The following PDZD2 variants were observed in gnomAD, a reference collection of about 807,000 sequenced individuals.
PDZD2 encodes the protein PDZ domain containing 2.
A neutral mutation model predicts 220.7 loss-of-function variants in PDZD2; 90 were observed. That is an observed-to-expected ratio of 0.41 (90% CI 0.34 to 0.49). The LOEUF is 0.49. PDZD2 is among the 20% of genes least tolerant of loss of function. The pLI is 0.28. For missense variants in PDZD2, 3,174 were observed against 3,608.5 expected (o/e 0.88, Z 3.08); for synonymous variants, 1,375 against 1,450.5 (o/e 0.95, Z 1.18).
At chr5:31,926,526 G>GAAAAAAAA (rs71300157) in intron 2 of PDZD2, among the ~76,000 whole-genome samples, 3 of 83,974 alleles carry the variant, frequency 3.6e-5, no homozygotes, top group Non-Finnish European at 4.6e-5. Context: ...AACTGCATCT[G>GAAAAAAAA]AAAAAAAAAA....
chr5:31,695,499 T>C (rs1296990356), intron 1 of PDZD2, among the ~76,000 whole-genome samples: 1 of 152,234 alleles, frequency 6.6e-6, no homozygotes, highest in Non-Finnish European at 1.5e-5. Context: ...CCAGTTTTTA[T>C]TGAAAATATT....
chr5:31,720,521 CA>C (rs1260542686), intron 1 of PDZD2, among the ~76,000 whole-genome samples: 1 of 152,168 alleles, frequency 6.6e-6, no homozygotes, highest in East Asian at 1.9e-4. Flanking sequence ...GAAAAGAATA[CA>C]AATTTATTTC....
intron 1 of PDZD2, among the ~76,000 whole-genome samples, chr5:31,753,725 T>G (rs1751148522): frequency 6.6e-6 from 1 of 152,222 alleles, no homozygotes; most frequent in African/African-American, 2.4e-5. Flanking sequence ...TGCGTGGACA[T>G]CCTGATTTCT....
rs201314016 is a variant in PDZD2 at position 31,890,866 on chromosome 5, G to GA, written c.476+91144dup. On this transcript the variant is annotated intron_variant, in intron 2 of 24. Transcript: ENST00000438447. ...CCTGTCTGTGGCAATTAGAAGCAGA[G>GA]AAGGACCTGTGGAGACTTGTGGTCC... 5.4e-3 allele frequency among the ~76,000 whole-genome samples: 828 copies of GA among 152,288 alleles called. 7 individuals are homozygous for GA. The highest frequency in any genetic ancestry group is 0.019 in the African/African-American group (776 of 41,554).
intron 2 of PDZD2, among the ~76,000 whole-genome samples, chr5:31,838,609 T>C (rs1254885662): frequency 6.6e-6 from 1 of 152,170 alleles, no homozygotes; most frequent in Non-Finnish European, 1.5e-5. Flanking sequence ...GAAAATAAAT[T>C]AAATAGAACA....
At chr5:31,963,780 C>T (rs1201027655) in intron 2 of PDZD2, among the ~76,000 whole-genome samples, 1 of 152,216 alleles carries the variant, frequency 6.6e-6, no homozygotes, top group East Asian at 1.9e-4. Context: ...TCATCTCTCT[C>T]TGGCAGAAGA....
At chr5:32,057,800 AGTT>A (rs1739226190) in intron 11 of PDZD2, 72 bp downstream of exon 11, 4 of 1,379,994 alleles carry the variant, frequency 2.9e-6, no homozygotes, top group Admixed American at 1.9e-5. Context: ...GGGTTTGGTG[AGTT>A]GTTTTTTTTT....
intron 2 of PDZD2, among the ~76,000 whole-genome samples, chr5:31,911,606 A>G (rs1238084413): frequency 2.0e-5 from 3 of 152,200 alleles, no homozygotes; most frequent in Non-Finnish European, 4.4e-5. Flanking sequence ...AAATTCCTGT[A>G]GCTAGTTTAA....
rs34025632 is a variant in PDZD2 at position 32,029,329 on chromosome 5, T to TAAAAAAAAAAAAAAAAAAAAAAAAAAAAA, written c.1408-7878_1408-7877insAAAAAAAAAAAAAAAAAAAAAAAAAAAAA. ...TTGCCAAAGGTAGTATCAAGAACTG[T>TAAAAAAAAAAAAAAAAAAAAAAAAAAAAA]AAAAAAAAAAAAAAAAAAAAAAAAG... On this transcript the variant is annotated intron_variant, in intron 6 of 24. Coordinates refer to ENST00000438447, the MANE Select transcript of PDZD2 (RefSeq NM_178140.4). Among the ~76,000 whole-genome samples, 4 of 65,834 alleles carry TAAAAAAAAAAAAAAAAAAAAAAAAAAAAA rather than the reference T, an allele frequency of 6.1e-5. 2 individuals carry two copies. Among genetic ancestry groups the TAAAAAAAAAAAAAAAAAAAAAAAAAAAAA allele is most frequent in the Non-Finnish European group, 1.1e-4 (4 of 37,560 alleles). The allele number at this position is 65,834 out of a possible 152,430, so 43.2% of individuals were successfully genotyped here.
At chr5:31,647,176 C>T (rs1019967759) in intron 1 of PDZD2, among the ~76,000 whole-genome samples, 1 of 152,124 alleles carries the variant, frequency 6.6e-6, no homozygotes, top group Admixed American at 6.5e-5. Flanking sequence ...CTGAAGACTG[C>T]CTCTTCCCCT....
At chr5:31,741,181 A>G (rs1750240722) in intron 1 of PDZD2, among the ~76,000 whole-genome samples, 1 of 129,496 alleles carries the variant, frequency 7.7e-6, no homozygotes, top group African/African-American at 3.0e-5. Context: ...CAGATCTTGT[A>G]CAATAGTGTG....
At chr5:31,901,421 A>AG (rs1742087697) in intron 2 of PDZD2, among the ~76,000 whole-genome samples, 1 of 151,852 alleles carries the variant, frequency 6.6e-6, no homozygotes, top group African/African-American at 2.4e-5. Context: ...GTCTCAAAAA[A>AG]AAAAAAAAAG....
rs867943785 is a variant in PDZD2, at chr5:32,090,691, G to T, written c.7243G>T (p.Ala2415Ser). 1 of 1,614,026 alleles carries T rather than the reference G, an allele frequency of 6.2e-7. No homozygotes were observed. Among genetic ancestry groups the T allele is most frequent in the African/African-American group, 1.3e-5 (1 of 74,912 alleles). Residue 2415 changes from alanine to serine, a missense_variant, in exon 20 of 25, where the codon GCC becomes TCC. By Grantham distance (99) the Ala-to-Ser change is moderately conservative. Coordinates refer to ENST00000438447, the MANE Select transcript of PDZD2 (RefSeq NM_178140.4). This position sits in a 1 kb window ranked among gnomAD's most constrained non-coding sequence, Gnocchi z 4.3. ...AGCCGGCACCCTCCTGCCCCAGATG[G>T]CCAAGTCTCCCTCAATCATGACACT... ...SEAGTLLPQMAKSPSIMTLTI... is the reference protein window; with the variant it reads ...SEAGTLLPQMSKSPSIMTLTI...
chr5:31,897,549 T>C (rs1741678742), intron 2 of PDZD2, among the ~76,000 whole-genome samples: 1 of 152,214 alleles, frequency 6.6e-6, no homozygotes, highest in South Asian at 2.1e-4. Context: ...GTTGAATCTC[T>C]CTGTCCCCCA....
chr5:31,729,221 C>A (rs1171794064), intron 1 of PDZD2, among the ~76,000 whole-genome samples: 3 of 150,744 alleles, frequency 2.0e-5, no homozygotes, highest in Non-Finnish European at 4.4e-5. Flanking sequence ...CTTAGCCTCC[C>A]GAGTAGCTGG....
intron 6 of PDZD2, among the ~76,000 whole-genome samples, chr5:32,023,862 GAAAC>G (rs1441968364): frequency 6.6e-6 from 1 of 152,160 alleles, no homozygotes; most frequent in Non-Finnish European, 1.5e-5. Flanking sequence ...TATAACTCCA[GAAAC>G]AAACAATTCG....
At chr5:31,765,544 A>T (rs1370542374) in intron 1 of PDZD2, among the ~76,000 whole-genome samples, 2 of 152,204 alleles carry the variant, frequency 1.3e-5, no homozygotes, top group South Asian at 2.1e-4. Context: ...TGAAAAATGT[A>T]GCTCGGGAAA....
At chr5:31,793,111 T>G (rs1465793534) in intron 1 of PDZD2, among the ~76,000 whole-genome samples, 1 of 152,134 alleles carries the variant, frequency 6.6e-6, no homozygotes, top group Non-Finnish European at 1.5e-5. Context: ...GTGCTGGGAT[T>G]ACAGGCGTGA....
intron 2 of PDZD2, chr5:31,936,071 C>T (rs1475942580): frequency 1.4e-5 from 14 of 987,056 alleles, no homozygotes; most frequent in Non-Finnish European, 1.7e-5. Context: ...GAAAAATGAT[C>T]TGAGTGCTGT....
Sources: gnomAD v4.1 joint callset for allele counts (sites outside exome capture counted in the v4.1 genomes callset) on GRCh38, gnomAD v4.1.1 for gene constraint, Gnocchi (gnomAD v3.1) non-coding constraint, MANE v1.5 for transcripts, NCBI Gene and HGNC (gene_info 2026-07-23, HGNC 2026-07-21) for gene names.